Variants in KCNIP4 observed in about 807,000 individuals in gnomAD.
The protein encoded by KCNIP4 is potassium voltage-gated channel interacting protein 4.
Under a neutral mutation model 34.0 loss-of-function variants are expected in KCNIP4, and 12 were observed. The observed-to-expected ratio is 0.35, with a 90% CI of 0.23 to 0.57. The LOEUF (loss-of-function observed/expected upper bound fraction) is 0.57. Ranked by LOEUF, KCNIP4 falls within the 20% of genes least tolerant of loss-of-function variation. The pLI, the probability that KCNIP4 is intolerant of heterozygous loss-of-function variation, is 0.83. For synonymous variants in KCNIP4, 124 were observed against 102.2 expected (o/e 1.21, Z -1.29); for missense variants, 238 against 311.7 (o/e 0.76, Z 1.78).
At chr4:21,766,676 ATTATC>A (rs1277310733) in intron 1 of KCNIP4, among the ~76,000 whole-genome samples, 1 of 152,136 alleles carries the variant, frequency 6.6e-6, no homozygotes, top group Admixed American at 6.5e-5. Context: ...AAAGATTATT[ATTATC>A]ATCTCATTTT....
intron 1 of KCNIP4, among the ~76,000 whole-genome samples, chr4:21,546,330 T>A (rs1424384149): frequency 6.6e-6 from 1 of 152,114 alleles, no homozygotes; most frequent in Admixed American, 6.6e-5. Context: ...AAGATTTATA[T>A]TGAATGGGTA....
At chr4:21,739,068 A>G (rs1464719728) in intron 1 of KCNIP4, among the ~76,000 whole-genome samples, 3 of 152,164 alleles carry the variant, frequency 2.0e-5, no homozygotes, top group African/African-American at 7.2e-5. Flanking sequence ...AGAGTGCTGG[A>G]TTGGCCACTA....
intron 1 of KCNIP4, among the ~76,000 whole-genome samples, chr4:20,902,226 A>C (rs1727226095): frequency 6.6e-6 from 1 of 152,116 alleles, no homozygotes; most frequent in Non-Finnish European, 1.5e-5. Context: ...TTCTTCTTAA[A>C]ATCTGTGGAA....
intron 1 of KCNIP4, among the ~76,000 whole-genome samples, chr4:21,316,908 A>T (rs892901702): frequency 2.6e-5 from 4 of 152,228 alleles, no homozygotes; most frequent in Non-Finnish European, 4.4e-5. Flanking sequence ...CCAAATTATT[A>T]AACCAAGTTT....
intron 1 of KCNIP4, among the ~76,000 whole-genome samples, chr4:21,878,076 C>A (rs1161713093): frequency 6.6e-6 from 1 of 152,072 alleles, no homozygotes; most frequent in Non-Finnish European, 1.5e-5. Flanking sequence ...GAGATGCAGT[C>A]TCTCTCTGTT....
intron 1 of KCNIP4, among the ~76,000 whole-genome samples, chr4:21,291,867 AAAAGAAAGAAAGAAAG>A (rs1211617062): frequency 0.023 from 1,169 of 51,088 alleles, 56 homozygotes; most frequent in Non-Finnish European, 0.026. Flanking sequence ...AAAAAAAAAA[AAAAGAAAGAAAGAAAG>A]AAAGAAAGAA....
chr4:20,794,759 A>T (rs1225059633), intron 3 of KCNIP4, among the ~76,000 whole-genome samples: 1 of 152,228 alleles, frequency 6.6e-6, no homozygotes, highest in Non-Finnish European at 1.5e-5. Context: ...ACCTGTATTC[A>T]TGTTGCATAG....
intron 1 of KCNIP4, among the ~76,000 whole-genome samples, chr4:21,528,594 G>T (rs115820642): frequency 0.036 from 5,391 of 151,084 alleles, 175 homozygotes; most frequent in East Asian, 0.13. Context: ...TTAAACTTGG[G>T]AGGTGGAGGT....
intron 1 of KCNIP4, among the ~76,000 whole-genome samples, chr4:20,923,627 G>A (rs557448222): frequency 6.6e-6 from 1 of 152,136 alleles, no homozygotes; most frequent in Admixed American, 6.5e-5. Flanking sequence ...CAATGTATGA[G>A]TTAGGACTGG....
chr4:20,810,639 A>C (rs982442995), intron 3 of KCNIP4, among the ~76,000 whole-genome samples: 1 of 152,212 alleles, frequency 6.6e-6, no homozygotes, highest in African/African-American at 2.4e-5. Context: ...ATCATCTCAT[A>C]ACATTTTATT....
intron 1 of KCNIP4, among the ~76,000 whole-genome samples, chr4:21,051,735 T>A (rs1346318157): frequency 6.6e-6 from 1 of 152,188 alleles, no homozygotes; most frequent in East Asian, 1.9e-4. Context: ...TTTGAGAGTG[T>A]GCAGCATATT....
chr4:20,967,543 C>T (rs2149671228), intron 1 of KCNIP4, among the ~76,000 whole-genome samples: 1 of 152,314 alleles, frequency 6.6e-6, no homozygotes, highest in Middle Eastern at 3.4e-3. Flanking sequence ...TACAAGGCTA[C>T]AGTAACCAAA....
chr4:21,094,079 C>T (rs1747256610), intron 1 of KCNIP4, among the ~76,000 whole-genome samples: 2 of 136,396 alleles, frequency 1.5e-5, no homozygotes, highest in African/African-American at 5.8e-5. Flanking sequence ...AAGACTCCGT[C>T]TCAAAAAAAA....
chr4:21,937,323 C>T (rs1729914758), intron 1 of KCNIP4, among the ~76,000 whole-genome samples: 1 of 152,064 alleles, frequency 6.6e-6, no homozygotes, highest in South Asian at 2.1e-4. Context: ...GTATCACAGT[C>T]ACCAACCTTG....
chr4:21,476,441 C>T, intron 1 of KCNIP4, among the ~76,000 whole-genome samples: 1 of 152,038 alleles, frequency 6.6e-6, no homozygotes, highest in Non-Finnish European at 1.5e-5. Flanking sequence ...AGAACTTTGG[C>T]CTCATAAGAA....
intron 1 of KCNIP4, among the ~76,000 whole-genome samples, chr4:21,911,147 T>C (rs1258373427): frequency 2.0e-5 from 3 of 152,084 alleles, no homozygotes; most frequent in Admixed American, 2.0e-4. Flanking sequence ...AAAGTCCTCT[T>C]TACAAAAAAG....
chr4:20,748,236 T>C (rs1290416035), intron 5 of KCNIP4, among the ~76,000 whole-genome samples: 1 of 152,124 alleles, frequency 6.6e-6, no homozygotes, highest in Non-Finnish European at 1.5e-5. Flanking sequence ...GGCTCTCCAA[T>C]TGTGTATTCT....
chr4:20,968,888 GCACGTTGTA>G (rs1734649850), intron 1 of KCNIP4, among the ~76,000 whole-genome samples: 1 of 151,884 alleles, frequency 6.6e-6, no homozygotes, highest in African/African-American at 2.4e-5. Context: ...TAACAAACCT[GCACGTTGTA>G]CACATGTACC....
At chr4:21,856,759 A>AG (rs1724786570) in intron 1 of KCNIP4, among the ~76,000 whole-genome samples, 1 of 152,034 alleles carries the variant, frequency 6.6e-6, no homozygotes, top group South Asian at 2.1e-4. Flanking sequence ...CAAGCACTTG[A>AG]GGGTGCCTGC....
Sources: gnomAD v4.1 joint callset for allele counts (sites outside exome capture counted in the v4.1 genomes callset) on GRCh38, gnomAD v4.1.1 for gene constraint, MANE v1.5 for transcripts, NCBI Gene and HGNC (gene_info 2026-07-23, HGNC 2026-07-21) for gene names.